DRG1: variants seen among roughly 807,000 people sequenced by gnomAD.
DRG1 encodes developmentally regulated GTP binding protein 1.
A neutral mutation model predicts 38.8 loss-of-function variants in DRG1; 19 were observed. The observed-to-expected ratio is 0.49, with a 90% CI of 0.34 to 0.72. DRG1 has a LOEUF of 0.72. Ranked by LOEUF, DRG1 falls within the 30% of genes least tolerant of loss-of-function variation. The pLI is 0.01. For synonymous variants in DRG1, 167 were observed against 157.5 expected (o/e 1.06, Z -0.45); for missense variants, 299 against 444.8 (o/e 0.67, Z 2.95).
At chr22:31,416,089 A>T (rs2050043131) in intron 4 of DRG1, among the ~76,000 whole-genome samples, 1 of 152,098 alleles carries the variant, frequency 6.6e-6, no homozygotes, top group African/African-American at 2.4e-5. Context: ...CAGGCAGATC[A>T]CTTGAGGCCA....
chr22:31,411,149 G>A, intron 4 of DRG1, 68 bp downstream of exon 4: 1 of 1,548,270 alleles, frequency 6.5e-7, no homozygotes, highest in Non-Finnish European at 8.9e-7. Context: ...TTTAGTCAGG[G>A]ACTACTTGGC....
At chr22:31,422,740 A>T (rs1167501952) in intron 5 of DRG1, among the ~76,000 whole-genome samples, 1 of 152,188 alleles carries the variant, frequency 6.6e-6, no homozygotes, top group Non-Finnish European at 1.5e-5. Flanking sequence ...TGTTAGTTTC[A>T]GTGCTGCCAT....
intron 8 of DRG1, among the ~76,000 whole-genome samples, chr22:31,432,429 GT>G (rs556570663): frequency 6.9e-4 from 93 of 135,680 alleles, no homozygotes; most frequent in East Asian, 1.1e-3. Context: ...GTGTGTGTGT[GT>G]TTTTTTTTTT....
chr22:31,425,465 AGT>A (rs1026417574), intron 6 of DRG1, among the ~76,000 whole-genome samples: 3 of 146,774 alleles, frequency 2.0e-5, no homozygotes, highest in African/African-American at 7.6e-5. Flanking sequence ...TTTGAGACAG[AGT>A]CATGCTCTTG....
chr22:31,412,367 T>C (rs2050022791), intron 4 of DRG1, among the ~76,000 whole-genome samples: 1 of 148,744 alleles, frequency 6.7e-6, no homozygotes, highest in African/African-American at 2.5e-5. Context: ...TTTTTTTTTT[T>C]TGAGATGGAG....
intron 4 of DRG1, among the ~76,000 whole-genome samples, chr22:31,419,470 A>G (rs1303289847): frequency 6.6e-6 from 1 of 151,720 alleles, no homozygotes; most frequent in African/African-American, 2.4e-5. Context: ...GATTACAGGC[A>G]TGAGCCACTG....
Position 31,422,824 on chromosome 22 carries a change from G to C in DRG1, c.583-456G>C, listed in dbSNP as rs147114170. Among the ~76,000 whole-genome samples, 44 of 152,320 alleles carry C rather than the reference G, an allele frequency of 2.9e-4. No homozygotes were observed. The East Asian group carries it at 8.3e-3, about 29-fold the overall frequency. On this transcript the variant is annotated intron_variant, in intron 5 of 8. Transcript: ENST00000331457. ...ATAATTCTAGAGGCTAGAAGTCTGA[G>C]ATGAAGTTGATGGCAGGGTTGATTT...
intron 6 of DRG1, among the ~76,000 whole-genome samples, chr22:31,423,672 G>A (rs892305627): frequency 6.6e-6 from 1 of 151,230 alleles, no homozygotes; most frequent in African/African-American, 2.4e-5. Context: ...GATTACAGGT[G>A]CGCACCACCA....
At chr22:31,414,875 G>A (rs982976352) in intron 4 of DRG1, among the ~76,000 whole-genome samples, 1 of 151,648 alleles carries the variant, frequency 6.6e-6, no homozygotes, top group Non-Finnish European at 1.5e-5. Flanking sequence ...AATTTCCTGG[G>A]ATCAGGTGAT....
Position 31,434,166 on chromosome 22 carries a change from T to A in DRG1, c.*195T>A. On this transcript the variant is annotated 3_prime_UTR_variant, in exon 9 of 9. Transcript: ENST00000331457. ...ATGTCGAACTGCATAAAAGATCTGG[T>A]AGGCTGGTCAGCTACATGCAGCTCA... 1 of 547,616 alleles carries A rather than the reference T, an allele frequency of 1.8e-6. No homozygotes were observed. 33.9% of individuals were successfully genotyped at this position (547,616 alleles called of 1,614,324 possible). A position where few individuals can be genotyped will look rare whatever the true frequency, so the allele number is the denominator to read the frequency against.
At chr22:31,416,345 T>C (rs982389886) in intron 4 of DRG1, among the ~76,000 whole-genome samples, 2 of 152,162 alleles carry the variant, frequency 1.3e-5, no homozygotes, top group African/African-American at 4.8e-5. Flanking sequence ...TGTTTTCCCA[T>C]ATTATTTGGG....
At chr22:31,422,500 A>G (rs945129905) in intron 5 of DRG1, among the ~76,000 whole-genome samples, 1 of 152,190 alleles carries the variant, frequency 6.6e-6, no homozygotes, top group South Asian at 2.1e-4. Flanking sequence ...GAGAAGGAAA[A>G]CTGAAAGAGT....
chr22:31,404,862 G>C, intron 3 of DRG1, among the ~76,000 whole-genome samples: 1 of 151,750 alleles, frequency 6.6e-6, no homozygotes, highest in Middle Eastern at 3.2e-3. Flanking sequence ...GACCTCAAGT[G>C]ATCTGCCCAC....
chr22:31,424,962 C>T (rs185408866), intron 6 of DRG1, among the ~76,000 whole-genome samples: 172 of 151,124 alleles, frequency 1.1e-3, no homozygotes, highest in African/African-American at 4.0e-3. Flanking sequence ...GCCACCATAC[C>T]CAGCTAATTT....
At chr22:31,402,210 A>G (rs2049965605) in intron 2 of DRG1, among the ~76,000 whole-genome samples, 2 of 152,290 alleles carry the variant, frequency 1.3e-5, no homozygotes, top group South Asian at 2.1e-4. Flanking sequence ...ATTTAGGACT[A>G]AAAGGAATGG....
At position 31,406,027 on chromosome 22, in the gene DRG1, C is replaced by T. The variant is rs528070573; in HGVS notation, c.342+2823C>T. The stretch of plus-strand genomic sequence containing the variant: ...TTTTCTTTTTTTTTTTTTTTTGAGA[C>T]GAAGTCTCATTGTGTTGCCCAAGAT... On this transcript the variant is annotated intron_variant, in intron 3 of 8. Transcript: ENST00000331457. Among the ~76,000 whole-genome samples, 291 of 136,106 alleles carry T rather than the reference C, an allele frequency of 2.1e-3. 1 individual carries two copies. The highest frequency in any genetic ancestry group is 7.3e-3 in the African/African-American group (264 of 36,108). The allele number at this position is 136,106 out of a possible 152,430, so 89.3% of individuals were successfully genotyped here. A position where few individuals can be genotyped will look rare whatever the true frequency, so the allele number is the denominator to read the frequency against.
At position 31,414,636 on chromosome 22, in the gene DRG1, A is replaced by G. The variant is rs115740775; in HGVS notation, c.412+3555A>G. Among the ~76,000 whole-genome samples, 952 of 152,012 alleles carry G rather than the reference A, an allele frequency of 6.3e-3. 11 individuals carry two copies. The highest frequency in any genetic ancestry group is 0.022 in the African/African-American group (910 of 41,462). The stretch of plus-strand genomic sequence containing the variant: ...CCAGCTGGTTTTACCTTTGAAATAT[A>G]TCTAGAGGCCAGCCACTCTTTTTTT... On this transcript the variant is annotated intron_variant, in intron 4 of 8. Transcript: ENST00000331457.
At chr22:31,430,293 A>G (rs186871956) in intron 8 of DRG1, among the ~76,000 whole-genome samples, 1 of 152,218 alleles carries the variant, frequency 6.6e-6, no homozygotes, top group African/African-American at 2.4e-5. Context: ...GTATTTCTGT[A>G]TCTGTCTTAT....
intron 5 of DRG1, among the ~76,000 whole-genome samples, chr22:31,422,186 CT>C (rs1200109976): frequency 6.6e-6 from 1 of 151,558 alleles, no homozygotes; most frequent in African/African-American, 2.4e-5. Context: ...AATCCCAACA[CT>C]TTGGGAGGCC....
Sources: allele counts gnomAD v4.1 joint callset (sites outside exome capture counted in the v4.1 genomes callset), GRCh38; gene constraint gnomAD v4.1.1; transcripts MANE v1.5; gene names NCBI Gene and HGNC (gene_info 2026-07-23, HGNC 2026-07-21).